Variants in SLC25A13 observed in about 807,000 individuals in gnomAD.
SLC25A13 encodes electrogenic aspartate/glutamate antiporter SLC25A13, mitochondrial.
In SLC25A13, 70 loss-of-function variants were observed where a neutral mutation model predicts 85.5. That is an observed-to-expected ratio of 0.82 (90% CI 0.68 to 1.00). The LOEUF (loss-of-function observed/expected upper bound fraction) is 1.00. SLC25A13 is among the 50% of genes least tolerant of loss of function. The pLI is 0.00. For missense variants in SLC25A13, 765 were observed against 819.8 expected, an observed-to-expected ratio of 0.93 and a Z score of 0.82; for synonymous variants, 259 against 288.7, an observed-to-expected ratio of 0.90 and a Z score of 1.04.
chr7:96,272,342 C>T (rs1798275051), intron 3 of SLC25A13, among the ~76,000 whole-genome samples: 1 of 151,992 alleles, frequency 6.6e-6, no homozygotes, highest in Admixed American at 6.6e-5. Flanking sequence ...AAAGAAAAAT[C>T]CTGTAATGTT....
At chr7:96,167,906 T>G (rs1437965880) in intron 13 of SLC25A13, among the ~76,000 whole-genome samples, 3 of 151,956 alleles carry the variant, frequency 2.0e-5, no homozygotes, top group Admixed American at 2.0e-4. Flanking sequence ...GAGACCATCC[T>G]GGCCAACATG....
chr7:96,234,045 G>A (rs1327283044), intron 4 of SLC25A13, among the ~76,000 whole-genome samples: 1 of 152,240 alleles, frequency 6.6e-6, no homozygotes, highest in African/African-American at 2.4e-5. Context: ...AGATTTGCAT[G>A]CAGAGACAAC....
rs1386950840 is a variant in SLC25A13 at position 96,197,642 on chromosome 7, T to TG, written c.469-4460dup. Among the ~76,000 whole-genome samples, 12 of 152,322 alleles carry TG rather than the reference T, an allele frequency of 7.9e-5. No individual in the cohort carries two copies. In the East Asian group the frequency reaches 2.3e-3, roughly 29 times the overall value. On this transcript the variant is annotated intron_variant, in intron 5 of 17. Coordinates refer to ENST00000265631, the MANE Select transcript of SLC25A13 (RefSeq NM_014251.3). ...TTAATGAAAATCTGAATGTATACTA[T>TG]GGGTTGTCAAGAGACTGACAGCTCC...
At chr7:96,181,502 A>G (rs1462940016) in intron 11 of SLC25A13, among the ~76,000 whole-genome samples, 1 of 152,274 alleles carries the variant, frequency 6.6e-6, no homozygotes, top group Non-Finnish European at 1.5e-5. Flanking sequence ...AGCTTCTGAT[A>G]TTCTTGTTAT....
chr7:96,221,868 A>C (rs1260065204), intron 4 of SLC25A13, among the ~76,000 whole-genome samples: 2 of 152,156 alleles, frequency 1.3e-5, no homozygotes, highest in African/African-American at 4.8e-5. Flanking sequence ...TGAACTCAGA[A>C]AGGGTCCCTC....
intron 1 of SLC25A13, among the ~76,000 whole-genome samples, chr7:96,315,757 A>G (rs1419587404): frequency 6.6e-6 from 1 of 152,182 alleles, no homozygotes; most frequent in Non-Finnish European, 1.5e-5. Flanking sequence ...TTATGATATC[A>G]CCAAATACTT....
intron 11 of SLC25A13, among the ~76,000 whole-genome samples, chr7:96,172,338 A>G (rs1179369989): frequency 6.6e-6 from 1 of 152,138 alleles, no homozygotes; most frequent in Non-Finnish European, 1.5e-5. Context: ...AGGGTGGATC[A>G]TCTGAGGTCA....
chr7:96,187,618 G>T (rs188515059), intron 9 of SLC25A13, among the ~76,000 whole-genome samples: 7 of 152,096 alleles, frequency 4.6e-5, no homozygotes, highest in Non-Finnish European at 8.8e-5. Flanking sequence ...TATAGAGGGT[G>T]GGGGGAGGAG....
At chr7:96,167,746 T>C (rs1793813596) in intron 13 of SLC25A13, among the ~76,000 whole-genome samples, 1 of 152,180 alleles carries the variant, frequency 6.6e-6, no homozygotes, top group East Asian at 1.9e-4. Context: ...GGTGTGTGAC[T>C]GACTCCAATT....
chr7:96,293,832 G>C lies in SLC25A13; in HGVS notation c.69+3066C>G, dbSNP rs1421446415. ...TAGGAACACTTTTACACTGTTGGTG[G>C]GACTGTAAACTAGTTCAACCATTGT... On this transcript the variant is annotated intron_variant, in intron 2 of 17. Coordinates refer to ENST00000265631, the MANE Select transcript of SLC25A13 (RefSeq NM_014251.3). 3.9e-5 allele frequency among the ~76,000 whole-genome samples: 6 copies of C among 152,248 alleles called. No homozygotes were observed. In the South Asian group the frequency reaches 1.2e-3, roughly 32 times the overall value.
chr7:96,286,838 T>C (rs1373071319), intron 2 of SLC25A13, among the ~76,000 whole-genome samples: 1 of 152,236 alleles, frequency 6.6e-6, no homozygotes, highest in Non-Finnish European at 1.5e-5. Flanking sequence ...TCTTTCCTTA[T>C]CTGGCTCAGT....
In SLC25A13 at chr7:96,201,196, T is replaced by C. The variant is rs370259115; in HGVS notation, c.468+7642A>G. Among the ~76,000 whole-genome samples, 10 of 152,128 alleles carry C rather than the reference T, an allele frequency of 6.6e-5. No individual in the cohort carries two copies. In the East Asian group the frequency reaches 1.2e-3, roughly 18 times the overall value. ...CACATAGTGAAAATGAAAATACAAC[T>C]GGGTTCTTGGGCCACTAAAAATTCA... On this transcript the variant is annotated intron_variant, in intron 5 of 17. Coordinates refer to ENST00000265631, the MANE Select transcript of SLC25A13 (RefSeq NM_014251.3).
chr7:96,173,818 C>CA (rs1417477854), intron 11 of SLC25A13, among the ~76,000 whole-genome samples: 2 of 152,178 alleles, frequency 1.3e-5, no homozygotes, highest in Non-Finnish European at 2.9e-5. Context: ...ACACGCAAAT[C>CA]AAGAGTTCAG....
chr7:96,155,651 G>C (rs7801441), intron 13 of SLC25A13, among the ~76,000 whole-genome samples: 74,083 of 151,988 alleles, frequency 0.49, 19,441 homozygotes, highest in African/African-American at 0.7. Context: ...AAATTACCCA[G>C]CAGTGTGACC....
chr7:96,130,525 C>T (rs1791978146), intron 15 of SLC25A13, among the ~76,000 whole-genome samples: 1 of 152,166 alleles, frequency 6.6e-6, no homozygotes, highest in Non-Finnish European at 1.5e-5. Flanking sequence ...CCCAAGGTCA[C>T]ACATTAATAA....
At chr7:96,177,438 A>G (rs1411988077) in intron 11 of SLC25A13, among the ~76,000 whole-genome samples, 1 of 152,238 alleles carries the variant, frequency 6.6e-6, no homozygotes, top group African/African-American at 2.4e-5. Flanking sequence ...ACCAGGTGAC[A>G]AAAGAGCCAA....
intron 2 of SLC25A13, among the ~76,000 whole-genome samples, chr7:96,289,197 C>T (rs1402090988): frequency 1.3e-5 from 2 of 152,206 alleles, no homozygotes; most frequent in African/African-American, 4.8e-5. Context: ...GCTGAGGGTC[C>T]TGACTGTTAG....
At chr7:96,201,458 G>T (rs1584447473) in intron 5 of SLC25A13, among the ~76,000 whole-genome samples, 2 of 147,632 alleles carry the variant, frequency 1.4e-5, no homozygotes, top group Non-Finnish European at 3.0e-5. Context: ...GTTGTAGTGA[G>T]CCAAGAGCAC....
chr7:96,127,975 T>C (rs931306496), intron 15 of SLC25A13, among the ~76,000 whole-genome samples: 29 of 152,164 alleles, frequency 1.9e-4, no homozygotes, highest in Admixed American at 6.5e-5. Context: ...TCAGGATTAG[T>C]GCACATTTGT....
Sources: allele counts gnomAD v4.1 joint callset (sites outside exome capture counted in the v4.1 genomes callset), GRCh38; gene constraint gnomAD v4.1.1; transcripts MANE v1.5; gene names NCBI Gene and HGNC (gene_info 2026-07-23, HGNC 2026-07-21).